SCARA3: variants seen among roughly 807,000 people sequenced by gnomAD.
SCARA3 encodes scavenger receptor class A member 3.
Under a neutral mutation model 47.0 loss-of-function variants are expected in SCARA3, and 39 were observed. That is an observed-to-expected ratio of 0.83 (90% confidence interval 0.64 to 1.08). SCARA3 has a LOEUF of 1.08. Ranked by LOEUF, SCARA3 falls within the 50% of genes least tolerant of loss-of-function variation. SCARA3 has a pLI of 0.00. For missense variants in SCARA3, 724 were observed against 792.3 expected (o/e 0.91, Z 1.04); for synonymous variants, 356 against 334.1 (o/e 1.07, Z -0.71).
intron 2 of SCARA3, 122 bp downstream of exon 2, chr8:27,649,922 A>C: frequency 1.3e-6 from 1 of 779,702 alleles, no homozygotes; most frequent in Non-Finnish European, 2.0e-6. Context: ...TCCTTTCCCC[A>C]CTGCTTCCTG....
chr8:27,726,173 G>T, the SCARA3 span, among the ~76,000 whole-genome samples: 1 of 152,210 alleles, frequency 6.6e-6, no homozygotes, highest in Non-Finnish European at 1.5e-5. Flanking sequence ...TTGGGAGCCC[G>T]TGGCAGGAGG....
At chr8:27,641,957 T>C (rs1177403409) in intron 1 of SCARA3, among the ~76,000 whole-genome samples, 1 of 152,170 alleles carries the variant, frequency 6.6e-6, no homozygotes, top group Non-Finnish European at 1.5e-5. Context: ...GTCCCAGAAT[T>C]AAAAGATACA....
At chr8:27,710,874 A>T in the SCARA3 span, among the ~76,000 whole-genome samples, 1 of 150,044 alleles carries the variant, frequency 6.7e-6, no homozygotes, top group African/African-American at 2.5e-5. Flanking sequence ...TTAGATCTAT[A>T]GATGTGAGAT....
At chr8:27,693,845 T>C in the SCARA3 span, among the ~76,000 whole-genome samples, 3 of 152,176 alleles carry the variant, frequency 2.0e-5, no homozygotes, top group Admixed American at 2.0e-4. Context: ...CAATTGCCAA[T>C]CAGAAAGTGT....
intron 3 of SCARA3, among the ~76,000 whole-genome samples, chr8:27,652,194 C>T (rs1447321912): frequency 6.6e-6 from 1 of 152,220 alleles, no homozygotes; most frequent in Non-Finnish European, 1.5e-5. Context: ...GGGGGTCCTG[C>T]AGGTGAGACC....
intron 1 of SCARA3, among the ~76,000 whole-genome samples, chr8:27,647,489 C>T (rs1204599706): frequency 6.6e-6 from 1 of 152,192 alleles, no homozygotes; most frequent in African/African-American, 2.4e-5. Flanking sequence ...ATACCAAATC[C>T]TTCATTGGTT....
At chr8:27,656,916 C>T in intron 4 of SCARA3, 36 bp downstream of exon 4, 1 of 1,386,214 alleles carries the variant, frequency 7.2e-7, no homozygotes, top group Non-Finnish European at 1.0e-6. Context: ...ATGCAGTGAT[C>T]TTCAGGGTGG....
chr8:27,721,488 T>C, the SCARA3 span, among the ~76,000 whole-genome samples: 2 of 152,070 alleles, frequency 1.3e-5, no homozygotes, highest in African/African-American at 4.8e-5. Context: ...GCAAGAAATA[T>C]AAAGAACAAA....
At chr8:27,663,509 A>G (rs1801955695) in intron 5 of SCARA3, among the ~76,000 whole-genome samples, 2 of 152,308 alleles carry the variant, frequency 1.3e-5, no homozygotes, top group Non-Finnish European at 2.9e-5. Flanking sequence ...ATGATGGAGT[A>G]TTGCTCTGCA....
At chr8:27,714,193 CTT>C in the SCARA3 span, among the ~76,000 whole-genome samples, 10 of 114,114 alleles carry the variant, frequency 8.8e-5, no homozygotes, top group Non-Finnish European at 1.0e-4. Flanking sequence ...TCAGGTATTC[CTT>C]TTTTTTTTTT....
downstream of SCARA3, among the ~76,000 whole-genome samples, chr8:27,673,569 G>A (rs1488307487): frequency 1.3e-5 from 2 of 152,198 alleles, no homozygotes; most frequent in South Asian, 2.1e-4. Flanking sequence ...TTGGTGCTTA[G>A]TTGAGGAAGT....
the SCARA3 span, among the ~76,000 whole-genome samples, chr8:27,696,376 C>G: frequency 1.3e-5 from 2 of 152,190 alleles, no homozygotes; most frequent in African/African-American, 4.8e-5. Flanking sequence ...TTAAAAACCA[C>G]TGAATCTCAT....
At chr8:27,659,697 TG>T (rs1478310842) in intron 5 of SCARA3, among the ~76,000 whole-genome samples, 158 bp downstream of exon 5, 2 of 151,810 alleles carry the variant, frequency 1.3e-5, no homozygotes, top group Admixed American at 1.3e-4. Context: ...GAAATGTCCT[TG>T]CATTAGCCAG....
At chr8:27,698,412 A>G in the SCARA3 span, among the ~76,000 whole-genome samples, 1 of 152,214 alleles carries the variant, frequency 6.6e-6, no homozygotes, top group Non-Finnish European at 1.5e-5. Context: ...AGGGATAGCT[A>G]ATTGCAAATT....
chr8:27,656,716 C>T, intron 3 of SCARA3, 66 bp from the exon 4 acceptor site: 8 of 1,001,466 alleles, frequency 8.0e-6, no homozygotes, highest in Non-Finnish European at 1.3e-5. Context: ...GATGCCTTCT[C>T]AAGGAATGAC....
intron 1 of SCARA3, among the ~76,000 whole-genome samples, chr8:27,635,460 T>C (rs1801230288): frequency 6.6e-6 from 1 of 152,206 alleles, no homozygotes; most frequent in African/African-American, 2.4e-5. Flanking sequence ...TATTTTGTTT[T>C]ATTTTAGAGA....
chr8:27,634,982 C>A (rs1172165786), intron 1 of SCARA3, among the ~76,000 whole-genome samples: 1 of 152,186 alleles, frequency 6.6e-6, no homozygotes, highest in Non-Finnish European at 1.5e-5. Context: ...AGGCAGGGAA[C>A]CTCCGAGGTT....
rs1006897958 is a variant in SCARA3, at chr8:27,658,634, A to G, written c.464A>G (p.Gln155Arg). ...GAGGTGCAGCTGGACCAGACCTTAC[A>G]GGCCCAGGAGGTGCTCTCCACCACC... Reference protein sequence around the residue: ...AQEVQLDQTLQAQEVLSTTSR... With the variant: ...AQEVQLDQTLRAQEVLSTTSR... The change falls in exon 5 of 6, where the codon CAG becomes CGG. Residue 155 changes from glutamine to arginine, a missense_variant. By Grantham distance (43) the Gln-to-Arg change is conservative. Coordinates refer to ENST00000301904, the MANE Select transcript of SCARA3 (RefSeq NM_016240.3). 1.3e-5 allele frequency: 21 copies of G among 1,614,068 alleles called. No homozygotes were observed. The highest frequency in any genetic ancestry group is 1.7e-5 in the Non-Finnish European group (20 of 1,179,992).
At chr8:27,695,621 C>G in the SCARA3 span, among the ~76,000 whole-genome samples, 1 of 152,068 alleles carries the variant, frequency 6.6e-6, no homozygotes, top group East Asian at 1.9e-4. Context: ...ATAATATGTT[C>G]AAAGAACTAA....
Sources: allele counts gnomAD v4.1 joint callset (sites outside exome capture counted in the v4.1 genomes callset), GRCh38; gene constraint gnomAD v4.1.1; transcripts MANE v1.5; gene names NCBI Gene and HGNC (gene_info 2026-07-23, HGNC 2026-07-21).